The following FAT3 variants were observed in gnomAD, a reference collection of about 807,000 sequenced individuals.
The protein encoded by FAT3 is protocadherin Fat 3.
Under a neutral mutation model 310.2 loss-of-function variants are expected in FAT3, and 95 were observed. The ratio of observed to expected loss-of-function variants is 0.31; its 90% CI spans 0.26 to 0.36. FAT3 has a LOEUF of 0.36. Among genes scored for constraint, FAT3 ranks in the 10% least tolerant of loss-of-function variants. The pLI, the probability that FAT3 is intolerant of heterozygous loss-of-function variation, is 1.00. For synonymous variants in FAT3, 2,314 were observed against 2,192.9 expected (o/e 1.06, Z -1.54); for missense variants, 5,408 against 5,715.6 (o/e 0.95, Z 1.74).
chr11:92,538,736 A>G (rs1162552826), intron 3 of FAT3, among the ~76,000 whole-genome samples: 1 of 152,154 alleles, frequency 6.6e-6, no homozygotes. Context: ...GAATAATTTC[A>G]CCATGCACTG....
In FAT3 at chr11:92,254,981, C is replaced by T. The variant is rs148937056; in HGVS notation, c.-18+29807C>T. Among the ~76,000 whole-genome samples the T allele has an allele frequency of 6.6e-5, 10 of 152,320 alleles. No homozygotes were observed. In the East Asian group the frequency reaches 1.7e-3, roughly 26 times the overall value. The stretch of plus-strand genomic sequence containing the variant: ...TCGGCCTCCCAAAGTGCTGGGATTA[C>T]AGGTGTGAGCCACCTCACCCAGCCA... On this transcript the variant is annotated intron_variant, in intron 1 of 27. Transcript: ENST00000525166.
rs1950013013 is a variant in FAT3 at position 92,895,641 on chromosome 11, C to G, written c.*4528C>G. 1 of 152,132 alleles carries G rather than the reference C, an allele frequency of 6.6e-6. No homozygotes were observed. Among genetic ancestry groups the G allele is most frequent in the African/African-American group, 2.4e-5 (1 of 41,420 alleles). The allele number at this position is 152,132 out of a possible 1,614,324, so 9.4% of individuals were successfully genotyped here. A position where few individuals can be genotyped will look rare whatever the true frequency, so the allele number is the denominator to read the frequency against. Reference sequence around the variant, plus strand: ...ACAATCTTATGAGCCCACACTACTGCATTTTGGGAGTGGCAAATGTGTTTG... The same window carrying G: ...ACAATCTTATGAGCCCACACTACTGGATTTTGGGAGTGGCAAATGTGTTTG... On this transcript the variant is annotated 3_prime_UTR_variant, in exon 28 of 28. Transcript: ENST00000525166.
intron 4 of FAT3, among the ~76,000 whole-genome samples, chr11:92,700,735 A>C (rs1185480653): frequency 6.6e-6 from 1 of 152,122 alleles, no homozygotes; most frequent in Admixed American, 6.5e-5. Context: ...CATTTAATAA[A>C]TCTGCTAAGG....
intron 22 of FAT3, among the ~76,000 whole-genome samples, chr11:92,874,376 C>T (rs1949473824): frequency 6.6e-6 from 1 of 152,148 alleles, no homozygotes. Flanking sequence ...AATTGTCCAT[C>T]TCACTGTATC....
intron 5 of FAT3, among the ~76,000 whole-genome samples, chr11:92,763,324 A>T (rs1378807493): frequency 6.6e-6 from 1 of 152,130 alleles, no homozygotes; most frequent in Admixed American, 6.5e-5. Context: ...TGTCCAGAAC[A>T]GTGGGCAGAG....
chr11:92,522,312 A>T (rs573554524), intron 2 of FAT3, among the ~76,000 whole-genome samples: 36 of 152,184 alleles, frequency 2.4e-4, no homozygotes, highest in African/African-American at 8.7e-4. Flanking sequence ...GGTGTCTGTG[A>T]TGTGCTGGTG....
chr11:92,777,414 C>A (rs1196957301), intron 7 of FAT3, among the ~76,000 whole-genome samples: 1 of 152,128 alleles, frequency 6.6e-6, no homozygotes, highest in Non-Finnish European at 1.5e-5. Flanking sequence ...TATCTAATGA[C>A]ACACATCCTT....
intron 4 of FAT3, among the ~76,000 whole-genome samples, chr11:92,724,918 A>G (rs1591651126): frequency 1.3e-5 from 2 of 152,322 alleles, no homozygotes; most frequent in African/African-American, 2.4e-5. Context: ...TTAAGAAGCA[A>G]CTATATTATA....
chr11:92,320,099 A>G (rs1947570687), intron 1 of FAT3, among the ~76,000 whole-genome samples: 2 of 152,218 alleles, frequency 1.3e-5, no homozygotes, highest in African/African-American at 4.8e-5. Context: ...ATTCACTGAA[A>G]CAAAACTCTG....
At chr11:92,573,216 A>G (rs908458625) in intron 3 of FAT3, among the ~76,000 whole-genome samples, 2 of 152,144 alleles carry the variant, frequency 1.3e-5, no homozygotes, top group African/African-American at 4.8e-5. Flanking sequence ...CTTGGGTAAT[A>G]AATACTTAAA....
chr11:92,844,141 C>A lies in FAT3; in HGVS notation c.10774C>A (p.Gln3592Lys). ...DVLTFALKSEQKSLFKVNSHD... is the reference protein window; with the variant it reads ...DVLTFALKSEKKSLFKVNSHD... Reference sequence around the variant, plus strand: ...GCTCACATTTGCCCTGAAATCGGAGCAGAAAAGCTTATTTAAAGTGAACAG... The same window carrying A: ...GCTCACATTTGCCCTGAAATCGGAGAAGAAAAGCTTATTTAAAGTGAACAG... Residue 3592 changes from glutamine (Q) to lysine (K), a missense_variant, in exon 19 of 28, where the codon CAG (glutamine) becomes AAG (lysine). Transcript: ENST00000525166. The A allele has an allele frequency of 6.2e-7, 1 of 1,613,960 alleles. No individual in the cohort carries two copies. Among genetic ancestry groups the A allele is most frequent in the Non-Finnish European group, 8.5e-7 (1 of 1,179,904 alleles).
intron 4 of FAT3, among the ~76,000 whole-genome samples, chr11:92,702,067 C>T (rs1290864425): frequency 6.6e-6 from 1 of 152,148 alleles, no homozygotes; most frequent in East Asian, 1.9e-4. Flanking sequence ...GCTATTGAAC[C>T]TCTCTGGATC....
intron 2 of FAT3, among the ~76,000 whole-genome samples, chr11:92,497,548 A>T (rs1379477507): frequency 6.6e-6 from 1 of 152,038 alleles, no homozygotes; most frequent in Non-Finnish European, 1.5e-5. Flanking sequence ...GCTGTGAGAA[A>T]TGTAATAGTT....
chr11:92,688,024 C>G (rs1405322132), intron 3 of FAT3, among the ~76,000 whole-genome samples: 1 of 150,334 alleles, frequency 6.7e-6, no homozygotes, highest in African/African-American at 2.5e-5. Flanking sequence ...GAGACCACAT[C>G]TCTACCAAAA....
chr11:92,719,003 C>T (rs1182714526), intron 4 of FAT3, among the ~76,000 whole-genome samples: 1 of 152,150 alleles, frequency 6.6e-6, no homozygotes, highest in Non-Finnish European at 1.5e-5. Flanking sequence ...AGTCCCATCA[C>T]CAGAACACCA....
chr11:92,816,345 C>T (rs1947826207), intron 13 of FAT3, among the ~76,000 whole-genome samples: 1 of 152,172 alleles, frequency 6.6e-6, no homozygotes, highest in African/African-American at 2.4e-5. Context: ...GTCATCTCCA[C>T]CTTCTGACCT....
At chr11:92,252,507 C>G (rs981455637) in intron 1 of FAT3, among the ~76,000 whole-genome samples, 4 of 152,064 alleles carry the variant, frequency 2.6e-5, no homozygotes, top group African/African-American at 9.7e-5. Flanking sequence ...CCTATGCTTA[C>G]GGTTCTTTGA....
At chr11:92,496,552 C>T (rs1187782057) in intron 2 of FAT3, among the ~76,000 whole-genome samples, 3 of 151,990 alleles carry the variant, frequency 2.0e-5, no homozygotes, top group African/African-American at 7.2e-5. Context: ...CCTCTTCTCC[C>T]CCTGCACTTA....
intron 11 of FAT3, 87 bp from the exon 12 acceptor site, chr11:92,806,275 T>G (rs1947504098): frequency 5.8e-6 from 7 of 1,210,904 alleles, no homozygotes; most frequent in African/African-American, 1.6e-5. Context: ...ATAAATGAAT[T>G]TTTAAAGAAA....
Sources: gnomAD v4.1 joint callset for allele counts (sites outside exome capture counted in the v4.1 genomes callset) on GRCh38, gnomAD v4.1.1 for gene constraint, MANE v1.5 for transcripts, NCBI Gene and HGNC (gene_info 2026-07-23, HGNC 2026-07-21) for gene names.